The following NR5A2 variants were observed in gnomAD, a reference collection of about 807,000 sequenced individuals.
The protein encoded by NR5A2 is CYP7A promoter-binding factor.
Under a neutral mutation model 62.7 loss-of-function variants are expected in NR5A2, and 26 were observed. The ratio of observed to expected loss-of-function variants is 0.41; its 90% CI spans 0.30 to 0.58. NR5A2 has a LOEUF of 0.58. NR5A2 is among the 20% of genes least tolerant of loss of function. NR5A2 has a pLI of 0.22. For synonymous variants in NR5A2, 246 were observed against 241.7 expected (o/e 1.02, Z -0.16); for missense variants, 541 against 669.1 (o/e 0.81, Z 2.11).
chr1:200,060,939 TAAAAAAAAAAA>T (rs60736317), intron 5 of NR5A2, among the ~76,000 whole-genome samples: 3 of 87,850 alleles, frequency 3.4e-5, no homozygotes, highest in Non-Finnish European at 6.6e-5. Flanking sequence ...CCATCTCTAC[TAAAAAAAAAAA>T]AAAAAAAAAA....
intron 7 of NR5A2, among the ~76,000 whole-genome samples, chr1:200,149,605 A>T (rs1395702199): frequency 6.6e-6 from 1 of 152,192 alleles, no homozygotes; most frequent in Non-Finnish European, 1.5e-5. Flanking sequence ...GCCCATGCAC[A>T]AAGGAACCTG....
intron 7 of NR5A2, 24 bp downstream of exon 7, chr1:200,120,979 G>A: frequency 1.2e-6 from 2 of 1,612,990 alleles, no homozygotes; most frequent in Non-Finnish European, 1.7e-6. Context: ...TTCTCATGCT[G>A]TGCTCAACCA....
intron 5 of NR5A2, among the ~76,000 whole-genome samples, chr1:200,049,808 T>C (rs1662542736): frequency 6.6e-6 from 1 of 152,148 alleles, no homozygotes; most frequent in Non-Finnish European, 1.5e-5. Context: ...AGAAGGAAAA[T>C]GCAAAGCCGA....
intron 5 of NR5A2, among the ~76,000 whole-genome samples, chr1:200,104,345 C>A (rs568061249): frequency 1.1e-3 from 168 of 152,174 alleles, no homozygotes; most frequent in African/African-American, 3.7e-3. Flanking sequence ...GACTTTGTAG[C>A]AGTTTATTAT....
intron 5 of NR5A2, among the ~76,000 whole-genome samples, chr1:200,092,873 C>CT (rs869028679): frequency 0.031 from 2,015 of 64,260 alleles, 510 homozygotes; most frequent in African/African-American, 0.037. Flanking sequence ...AAAGACAGGT[C>CT]TTTTTTTTTT....
chr1:200,081,637 G>A (rs146713301), intron 5 of NR5A2, among the ~76,000 whole-genome samples: 2 of 152,290 alleles, frequency 1.3e-5, no homozygotes, highest in African/African-American at 4.8e-5. Flanking sequence ...AAAGGCAATG[G>A]AATCTGCATT....
chr1:200,073,235 C>CATATATATATATAT (rs3033980), intron 5 of NR5A2, among the ~76,000 whole-genome samples: 16 of 105,896 alleles, frequency 1.5e-4, no homozygotes, highest in African/African-American at 3.4e-4. Context: ...CATTTACATA[C>CATATATATATATAT]ATATATATAT....
In NR5A2 at chr1:200,039,219, C is replaced by T. The variant is rs1661930106; in HGVS notation, c.65-439C>T. 1.3e-5 allele frequency among the ~76,000 whole-genome samples: 2 copies of T among 152,112 alleles called. No individual in the cohort carries two copies. The highest frequency in any genetic ancestry group is 1.3e-4 in the Admixed American group (2 of 15,270). ...GAGGCGAGAGAAAGAGGAGAGAGAC[C>T]CCTGCCGATCCTGAGCCAGAGGGCG... On this transcript the variant is annotated intron_variant, in intron 1 of 7. Transcript: ENST00000367362. The surrounding 1 kb of genome is among the most constrained non-coding windows in gnomAD (Gnocchi z 5.1).
intron 5 of NR5A2, among the ~76,000 whole-genome samples, chr1:200,069,314 G>T (rs921544208): frequency 3.1e-4 from 47 of 151,164 alleles, no homozygotes; most frequent in African/African-American, 1.0e-3. Flanking sequence ...AGGCTGGAGT[G>T]CAATGGCATG....
Position 200,128,826 on chromosome 1 carries a change from T to C in NR5A2, c.1378+7871T>C, listed in dbSNP as rs148975470. Among the ~76,000 whole-genome samples, 452 of 152,270 alleles carry C rather than the reference T, an allele frequency of 3.0e-3. 3 individuals are homozygous for C. Among genetic ancestry groups the C allele is most frequent in the African/African-American group, 0.011 (442 of 41,556 alleles). On this transcript the variant is annotated intron_variant, in intron 7 of 7. Coordinates refer to ENST00000367362, the MANE Select transcript of NR5A2 (RefSeq NM_205860.3). ...CTCTTGCAATATGACACTGACATTG[T>C]TAATAGTAAATAAAATGTTTACTAG...
intron 5 of NR5A2, chr1:200,053,989 T>C (rs1408629891): frequency 6.6e-6 from 1 of 152,242 alleles, no homozygotes; most frequent in Non-Finnish European, 1.5e-5. Flanking sequence ...TGTGCTCTAC[T>C]AGAAGCTGGG....
chr1:200,111,363 T>A (rs764834090), intron 6 of NR5A2, 42 bp downstream of exon 6: 4 of 1,577,960 alleles, frequency 2.5e-6, no homozygotes, highest in Non-Finnish European at 3.4e-6. Flanking sequence ...CATCTTTTTA[T>A]TAAGCATGTT....
intron 7 of NR5A2, among the ~76,000 whole-genome samples, chr1:200,154,700 A>G (rs534236817): frequency 6.6e-6 from 1 of 152,190 alleles, no homozygotes; most frequent in Non-Finnish European, 1.5e-5. Flanking sequence ...AAAAATAAAG[A>G]AATAAGTAAA....
chr1:200,063,426 G>A (rs371793843), intron 5 of NR5A2, among the ~76,000 whole-genome samples: 1 of 152,156 alleles, frequency 6.6e-6, no homozygotes, highest in African/African-American at 2.4e-5. Flanking sequence ...CCAAAGTGCT[G>A]TAATTACAGG....
chr1:200,074,736 CAA>C lies in NR5A2; in HGVS notation c.1110+25937_1110+25938del, dbSNP rs199556915. ...TGGGCGACAGGGCGAGAGTCCATCT[CAA>C]AAAAAAAAAAAAAAAAAACACGAGA... On this transcript the variant is annotated intron_variant, in intron 5 of 7. Coordinates refer to ENST00000367362, the MANE Select transcript of NR5A2 (RefSeq NM_205860.3). 5.9e-5 allele frequency among the ~76,000 whole-genome samples: 4 copies of C among 67,548 alleles called. 1 individual carries two copies. Among genetic ancestry groups the C allele is most frequent in the Admixed American group, 3.7e-4 (2 of 5,374 alleles). 44.3% of individuals were successfully genotyped at this position (67,548 alleles called of 152,430 possible).
chr1:200,150,985 G>T (rs1274080743), intron 7 of NR5A2, among the ~76,000 whole-genome samples: 7 of 152,134 alleles, frequency 4.6e-5, no homozygotes, highest in African/African-American at 1.7e-4. Context: ...TTTTTTGGTT[G>T]GTTCATTTGT....
chr1:200,106,081 A>G (rs1160393025), intron 5 of NR5A2, among the ~76,000 whole-genome samples: 2 of 82,144 alleles, frequency 2.4e-5, no homozygotes, highest in Non-Finnish European at 5.5e-5. Context: ...TTTTTGAGAC[A>G]GAGTCTTGCT....
intron 6 of NR5A2, among the ~76,000 whole-genome samples, chr1:200,112,421 C>T (rs16846011): frequency 0.015 from 2,274 of 152,262 alleles, 57 homozygotes; most frequent in African/African-American, 0.051. Context: ...GGTCCCACTG[C>T]ATTGTTCAGC....
chr1:200,127,157 C>CTAA (rs1175469193), intron 7 of NR5A2, among the ~76,000 whole-genome samples: 3 of 152,148 alleles, frequency 2.0e-5, no homozygotes, highest in Admixed American at 6.5e-5. Context: ...AGGTCTAGAA[C>CTAA]TAATAACCCC....
Sources: gnomAD v4.1 joint callset for allele counts (sites outside exome capture counted in the v4.1 genomes callset) on GRCh38, gnomAD v4.1.1 for gene constraint, Gnocchi (gnomAD v3.1) non-coding constraint, MANE v1.5 for transcripts, NCBI Gene and HGNC (gene_info 2026-07-23, HGNC 2026-07-21) for gene names.